Variants in GALNT1 observed in about 807,000 individuals in gnomAD.
The protein encoded by GALNT1 is GalNAc transferase 1.
A neutral mutation model predicts 65.7 loss-of-function variants in GALNT1; 17 were observed. That is an observed-to-expected ratio of 0.26 (90% CI 0.18 to 0.39). The LOEUF (loss-of-function observed/expected upper bound fraction) is 0.39. Among genes scored for constraint, GALNT1 ranks in the 10% least tolerant of loss-of-function variants. The pLI, the probability that GALNT1 is intolerant of heterozygous loss-of-function variation, is 1.00. For synonymous variants in GALNT1, 210 were observed against 219.7 expected (o/e 0.96, Z 0.39); for missense variants, 460 against 672.8 (o/e 0.68, Z 3.50).
At chr18:35,637,655 A>C (rs1004801283) in intron 1 of GALNT1, among the ~76,000 whole-genome samples, 3 of 152,266 alleles carry the variant, frequency 2.0e-5, no homozygotes, top group African/African-American at 7.2e-5. Context: ...CAAGTTATCC[A>C]GAGGATCTAG....
intron 3 of GALNT1, among the ~76,000 whole-genome samples, chr18:35,674,169 A>T (rs1159859082): frequency 6.6e-6 from 1 of 152,180 alleles, no homozygotes; most frequent in Non-Finnish European, 1.5e-5. Context: ...TGAGTAAGTG[A>T]GTGCTGAGTG....
intron 1 of GALNT1, among the ~76,000 whole-genome samples, chr18:35,601,938 T>C (rs1232566821): frequency 6.6e-6 from 1 of 152,210 alleles, no homozygotes; most frequent in East Asian, 1.9e-4. Flanking sequence ...TTGAGTATTC[T>C]GAATTTGTCT....
At chr18:35,644,113 A>G (rs2047200079) in intron 1 of GALNT1, among the ~76,000 whole-genome samples, 1 of 152,192 alleles carries the variant, frequency 6.6e-6, no homozygotes, top group African/African-American at 2.4e-5. Flanking sequence ...GACTACCCCA[A>G]ATGATAAGCT....
intron 2 of GALNT1, among the ~76,000 whole-genome samples, chr18:35,659,502 G>A (rs1012813631): frequency 2.6e-5 from 4 of 152,134 alleles, no homozygotes; most frequent in Non-Finnish European, 5.9e-5. Context: ...AAAGAATACG[G>A]GTAGTGGGGG....
At chr18:35,677,794 C>G (rs369690121) in intron 4 of GALNT1, 37 bp downstream of exon 4, 19 of 1,481,740 alleles carry the variant, frequency 1.3e-5, no homozygotes, top group Admixed American at 1.8e-5. Context: ...ATTTGCTACA[C>G]CTTTTGTCAC....
chr18:35,582,435 G>T (rs908061574), intron 1 of GALNT1, among the ~76,000 whole-genome samples: 1 of 152,218 alleles, frequency 6.6e-6, no homozygotes, highest in African/African-American at 2.4e-5. Context: ...GCCCATTTAA[G>T]CATTTACCAG....
At chr18:35,593,446 G>A (rs926797950) in intron 1 of GALNT1, among the ~76,000 whole-genome samples, 5 of 152,148 alleles carry the variant, frequency 3.3e-5, no homozygotes, top group African/African-American at 7.2e-5. Context: ...TGCATTCGGG[G>A]TAGTTGAGGC....
At chr18:35,655,261 T>C (rs1361984874) in intron 2 of GALNT1, among the ~76,000 whole-genome samples, 1 of 151,958 alleles carries the variant, frequency 6.6e-6, no homozygotes, top group Admixed American at 6.6e-5. Context: ...TTGTTGTTGT[T>C]AATGTTTTAG....
chr18:35,671,007 C>T (rs1044046424), intron 3 of GALNT1, among the ~76,000 whole-genome samples: 1 of 152,088 alleles, frequency 6.6e-6, no homozygotes, highest in African/African-American at 2.4e-5. Context: ...GAAGGCAAAC[C>T]AGCAAAGCCC....
At chr18:35,676,915 G>A (rs765736878) in intron 3 of GALNT1, among the ~76,000 whole-genome samples, 3 of 152,170 alleles carry the variant, frequency 2.0e-5, no homozygotes, top group Non-Finnish European at 4.4e-5. Flanking sequence ...TCTTTTGAGT[G>A]TGTTTGGTAT....
rs112897149 is a variant in GALNT1, at chr18:35,685,631, A to C, written c.690-1385A>C. 6.4e-3 allele frequency among the ~76,000 whole-genome samples: 975 copies of C among 152,340 alleles called. 19 individuals carry two copies. The highest frequency in any genetic ancestry group is 0.022 in the African/African-American group (927 of 41,580). On this transcript the variant is annotated intron_variant, in intron 5 of 11. Transcript: ENST00000269195. ...AGTCTTTCTTAGGTTTTGCAGTACT[A>C]CAGTAAATAAAGAACATTTATTTAT...
chr18:35,643,990 G>A (rs910360319), intron 1 of GALNT1, among the ~76,000 whole-genome samples: 7 of 151,972 alleles, frequency 4.6e-5, no homozygotes, highest in African/African-American at 1.5e-4. Context: ...AGGTATTGGT[G>A]GAAGTCAGTT....
chr18:35,607,232 G>A (rs2046661381), intron 1 of GALNT1, among the ~76,000 whole-genome samples: 3 of 152,286 alleles, frequency 2.0e-5, no homozygotes, highest in South Asian at 4.1e-4. Flanking sequence ...ATCAGAGGAA[G>A]TGAGGGTGGA....
intron 11 of GALNT1, among the ~76,000 whole-genome samples, chr18:35,704,072 C>T (rs1228942148): frequency 6.6e-6 from 1 of 152,154 alleles, no homozygotes; most frequent in Non-Finnish European, 1.5e-5. Flanking sequence ...ATTTATCTTT[C>T]CTTTTGTCTG....
At chr18:35,609,258 G>A (rs1309153113) in intron 1 of GALNT1, among the ~76,000 whole-genome samples, 1 of 152,132 alleles carries the variant, frequency 6.6e-6, no homozygotes, top group Non-Finnish European at 1.5e-5. Flanking sequence ...GTAGAGGATA[G>A]CTATGCTAAG....
At chr18:35,588,060 A>G (rs2046398107) in intron 1 of GALNT1, among the ~76,000 whole-genome samples, 1 of 152,156 alleles carries the variant, frequency 6.6e-6, no homozygotes, top group Non-Finnish European at 1.5e-5. Context: ...ACAGCCCAGA[A>G]TATGGTCTGT....
chr18:35,625,621 G>T lies in GALNT1; in HGVS notation c.-103-28939G>T, dbSNP rs143603036. 4.5e-4 allele frequency among the ~76,000 whole-genome samples: 69 copies of T among 152,268 alleles called. No individual in the cohort carries two copies. In the East Asian group the frequency reaches 0.012, roughly 27 times the overall value. On this transcript the variant is annotated intron_variant, in intron 1 of 11. Coordinates refer to ENST00000269195, the MANE Select transcript of GALNT1 (RefSeq NM_020474.4). ...AACAAATAGAATGATAATTGGAGAG[G>T]TTGGTGTTGTAGCAAAAACATGTAG... is the stretch of plus-strand genomic sequence containing the variant.
At chr18:35,683,852 G>A (rs1156900218) in intron 5 of GALNT1, among the ~76,000 whole-genome samples, 2 of 152,196 alleles carry the variant, frequency 1.3e-5, no homozygotes, top group Non-Finnish European at 2.9e-5. Context: ...ACTATATGCT[G>A]TGTTCACCAA....
chr18:35,601,618 T>C (rs1160477536), intron 1 of GALNT1, among the ~76,000 whole-genome samples: 1 of 152,214 alleles, frequency 6.6e-6, no homozygotes, highest in Non-Finnish European at 1.5e-5. Flanking sequence ...ATCCTCATTA[T>C]TGATTTCTGG....
Sources: allele counts gnomAD v4.1 joint callset (sites outside exome capture counted in the v4.1 genomes callset), GRCh38; gene constraint gnomAD v4.1.1; transcripts MANE v1.5; gene names NCBI Gene and HGNC (gene_info 2026-07-23, HGNC 2026-07-21).